The following PCDH15 variants were observed in gnomAD, a reference collection of about 807,000 sequenced individuals.
PCDH15 encodes protocadherin related 15, also known as protocadherin-15.
PCDH15 carries 129 observed loss-of-function variants against 178.5 expected under a neutral mutation model. That is an observed-to-expected ratio of 0.72 (90% confidence interval 0.63 to 0.84). The LOEUF is 0.84. Among genes scored for constraint, PCDH15 ranks in the 40% least tolerant of loss-of-function variants. PCDH15 has a pLI of 0.00. For missense variants in PCDH15, 2,230 were observed against 2,099.9 expected (o/e 1.06, Z -1.21); for synonymous variants, 800 against 732.0 (o/e 1.09, Z -1.50).
At chr10:54,861,645 G>T (rs1953845640) in intron 3 of PCDH15, among the ~76,000 whole-genome samples, 1 of 152,124 alleles carries the variant, frequency 6.6e-6, no homozygotes, top group Admixed American at 6.6e-5. Flanking sequence ...ACAACACAAA[G>T]ATTCCCACTT....
chr10:54,741,166 AAT>A (rs1478420046), intron 1 of PCDH15, among the ~76,000 whole-genome samples: 1 of 151,366 alleles, frequency 6.6e-6, no homozygotes, highest in Non-Finnish European at 1.5e-5. Context: ...TAAAAGAAAA[AAT>A]ATAAACAGAA....
chr10:53,957,503 G>GTTTTTTTTT (rs55738634), intron 23 of PCDH15, among the ~76,000 whole-genome samples: 3 of 140,566 alleles, frequency 2.1e-5, no homozygotes, highest in Non-Finnish European at 3.1e-5. Context: ...TATTTACTAT[G>GTTTTTTTTT]TTTTTTTTTT....
chr10:54,579,329 G>A (rs570037277), intron 2 of PCDH15, among the ~76,000 whole-genome samples: 2 of 151,950 alleles, frequency 1.3e-5, no homozygotes, highest in Admixed American at 6.6e-5. Context: ...AAACAAAAAA[G>A]AACAACAGTC....
chr10:55,449,522 G>T (rs1839388192), intron 2 of PCDH15, among the ~76,000 whole-genome samples: 1 of 152,006 alleles, frequency 6.6e-6, no homozygotes, highest in Admixed American at 6.6e-5. Context: ...TGGTGAGGAA[G>T]ATATATGCAA....
At chr10:55,385,945 T>A (rs1412774430) in intron 2 of PCDH15, among the ~76,000 whole-genome samples, 2 of 151,598 alleles carry the variant, frequency 1.3e-5, no homozygotes, top group Non-Finnish European at 2.9e-5. Context: ...GTTCTCAGAC[T>A]GTCAAAATAA....
chr10:54,712,134 A>G (rs2095433502), intron 1 of PCDH15, among the ~76,000 whole-genome samples: 1 of 151,914 alleles, frequency 6.6e-6, no homozygotes, highest in South Asian at 2.1e-4. Flanking sequence ...TTCCCTTTAC[A>G]AGGTACAATT....
At chr10:54,503,262 T>A (rs547872018) in intron 3 of PCDH15, among the ~76,000 whole-genome samples, 16 of 121,240 alleles carry the variant, frequency 1.3e-4, no homozygotes, top group South Asian at 2.7e-4. Flanking sequence ...TGTGTGTGTG[T>A]GTGATTATAT....
At chr10:54,035,067 A>T (rs1176326573) in intron 18 of PCDH15, among the ~76,000 whole-genome samples, 1 of 151,850 alleles carries the variant, frequency 6.6e-6, no homozygotes, top group Non-Finnish European at 1.5e-5. Context: ...TTTCAATATC[A>T]ATTGGCCAAG....
chr10:54,788,674 G>T (rs7909233), intron 1 of PCDH15, among the ~76,000 whole-genome samples: 126,188 of 151,694 alleles, frequency 0.83, 53,735 homozygotes, highest in Middle Eastern at 0.92. Context: ...AAAGGTGAAA[G>T]TTATGCTATG....
intron 1 of PCDH15, among the ~76,000 whole-genome samples, chr10:55,211,929 G>T (rs899298884): frequency 6.8e-6 from 1 of 147,872 alleles, no homozygotes; most frequent in African/African-American, 2.5e-5. Flanking sequence ...ACAAAAAGCA[G>T]CCCCCCAAAT....
chr10:54,098,190 T>TTGTG (rs35596789), intron 15 of PCDH15, among the ~76,000 whole-genome samples: 487 of 143,202 alleles, frequency 3.4e-3, no homozygotes, highest in East Asian at 0.011. Context: ...GAAAATAAAG[T>TTGTG]TGTGTGTGTG....
chr10:53,875,313 A>G (rs1042725711), intron 26 of PCDH15, among the ~76,000 whole-genome samples: 2 of 146,086 alleles, frequency 1.4e-5, no homozygotes, highest in Non-Finnish European at 3.0e-5. Flanking sequence ...GGGAAAATTC[A>G]TAGAGATATT....
intron 15 of PCDH15, among the ~76,000 whole-genome samples, chr10:54,123,759 C>T (rs182201142): frequency 2.0e-5 from 3 of 152,144 alleles, no homozygotes; most frequent in East Asian, 1.9e-4. Flanking sequence ...AACCTAGGTG[C>T]CCATCGGTGG....
rs371960034 is a variant in PCDH15 at position 54,436,070 on chromosome 10, A to G, written c.158-57128T>C. 2.8e-4 allele frequency among the ~76,000 whole-genome samples: 40 copies of G among 143,024 alleles called. 1 individual carries two copies. Among genetic ancestry groups the G allele is most frequent in the East Asian group, 2.2e-3 (11 of 5,100 alleles). The allele number at this position is 143,024 out of a possible 152,430, so 93.8% of individuals were successfully genotyped here. On this transcript the variant is annotated intron_variant, in intron 3 of 37. Transcript: ENST00000644397. ...AGAGAGAAAAGAAAGAAAGAAAGAA[A>G]GAAGGAAGGAAGGAGGGAAGGAGGG...
chr10:55,102,276 G>GT (rs1842591270), intron 2 of PCDH15, among the ~76,000 whole-genome samples: 1 of 151,800 alleles, frequency 6.6e-6, no homozygotes, highest in African/African-American at 2.4e-5. Context: ...TCTACTCTGA[G>GT]TATCTTAGCT....
chr10:54,520,757 A>G (rs951996891), intron 3 of PCDH15, among the ~76,000 whole-genome samples: 3 of 151,020 alleles, frequency 2.0e-5, no homozygotes, highest in Admixed American at 2.0e-4. Flanking sequence ...ATAAAGACAC[A>G]TGCACACGTA....
chr10:55,419,649 T>C (rs915414403), intron 2 of PCDH15, among the ~76,000 whole-genome samples: 1 of 151,740 alleles, frequency 6.6e-6, no homozygotes, highest in African/African-American at 2.4e-5. Context: ...CTTTTGAAAC[T>C]CTGGTGCCAA....
chr10:55,014,435 C>T (rs557886506), intron 2 of PCDH15, among the ~76,000 whole-genome samples: 5 of 152,084 alleles, frequency 3.3e-5, no homozygotes, highest in Admixed American at 3.3e-4. Flanking sequence ...TTGCAAATGG[C>T]AAGTTCTGCT....
intron 2 of PCDH15, among the ~76,000 whole-genome samples, chr10:55,364,372 A>G (rs1161106660): frequency 6.6e-6 from 1 of 152,170 alleles, no homozygotes; most frequent in Non-Finnish European, 1.5e-5. Flanking sequence ...TTCTGGCTTC[A>G]CAGTTCTTTT....
Sources: allele counts gnomAD v4.1 joint callset (sites outside exome capture counted in the v4.1 genomes callset), GRCh38; gene constraint gnomAD v4.1.1; transcripts MANE v1.5; gene names NCBI Gene and HGNC (gene_info 2026-07-23, HGNC 2026-07-21).